RGS7: variants seen among roughly 807,000 people sequenced by gnomAD.
The protein encoded by RGS7 is regulator of G protein signaling 7.
RGS7 carries 27 observed loss-of-function variants against 81.1 expected under a neutral mutation model. The observed-to-expected ratio is 0.33, with a 90% CI of 0.25 to 0.46. RGS7 has a LOEUF of 0.46. Ranked by LOEUF, RGS7 falls within the 20% of genes least tolerant of loss-of-function variation. The pLI, the probability that RGS7 is intolerant of heterozygous loss-of-function variation, is 1.00. For missense variants in RGS7, 396 were observed against 607.4 expected, an observed-to-expected ratio of 0.65 and a Z score of 3.66; for synonymous variants, 208 against 207.7, an observed-to-expected ratio of 1.00 and a Z score of -0.01.
At chr1:241,277,477 G>A (rs1418339889) in intron 2 of RGS7, among the ~76,000 whole-genome samples, 1 of 152,034 alleles carries the variant, frequency 6.6e-6, no homozygotes, top group African/African-American at 2.4e-5. Flanking sequence ...AAATTAGCCG[G>A]GCGTAGTGAT....
At chr1:241,062,901 A>G (rs987303026) in intron 3 of RGS7, among the ~76,000 whole-genome samples, 4 of 152,280 alleles carry the variant, frequency 2.6e-5, no homozygotes, top group East Asian at 1.9e-4. Context: ...TTCCTTTCAC[A>G]AGTGTATTTG....
intron 6 of RGS7, among the ~76,000 whole-genome samples, chr1:240,890,925 G>A (rs1235537755): frequency 1.3e-5 from 2 of 152,028 alleles, no homozygotes; most frequent in South Asian, 2.1e-4. Context: ...GGCAAGAACC[G>A]CCATTCATTT....
chr1:241,319,550 G>T (rs1485972656), intron 2 of RGS7, among the ~76,000 whole-genome samples: 1 of 151,796 alleles, frequency 6.6e-6, no homozygotes. Flanking sequence ...TTAGAGTCAG[G>T]GTCTTACTTT....
intron 3 of RGS7, among the ~76,000 whole-genome samples, chr1:240,988,179 T>C (rs1030012725): frequency 6.6e-6 from 1 of 150,806 alleles, no homozygotes. Flanking sequence ...GGACATCTAC[T>C]CTATACAGAA....
At chr1:241,058,386 C>T (rs1331731424) in intron 3 of RGS7, among the ~76,000 whole-genome samples, 1 of 152,244 alleles carries the variant, frequency 6.6e-6, no homozygotes, top group East Asian at 1.9e-4. Flanking sequence ...CAGAAACATG[C>T]CAGCATAGAA....
At chr1:241,250,049 A>T (rs922222479) in intron 2 of RGS7, among the ~76,000 whole-genome samples, 1 of 152,180 alleles carries the variant, frequency 6.6e-6, no homozygotes, top group Non-Finnish European at 1.5e-5. Context: ...TATACAGAAG[A>T]ATTAGGAAAT....
intron 6 of RGS7, chr1:240,919,679 AC>A: frequency 1.8e-6 from 1 of 553,464 alleles, no homozygotes; most frequent in Non-Finnish European, 3.3e-6. Context: ...CTCCTAAAGA[AC>A]CGAACAGCTG....
At chr1:241,098,130 T>C (rs1042332255) in intron 3 of RGS7, among the ~76,000 whole-genome samples, 1 of 152,196 alleles carries the variant, frequency 6.6e-6, no homozygotes, top group African/African-American at 2.4e-5. Context: ...ATATTTCCCC[T>C]TTTATCAGAA....
chr1:241,256,926 T>TACACACACACACAC (rs10552436), intron 2 of RGS7, among the ~76,000 whole-genome samples: 1 of 146,166 alleles, frequency 6.8e-6, no homozygotes, highest in Non-Finnish European at 1.5e-5. Context: ...CCACTAGAAA[T>TACACACACACACAC]ACACACACAC....
chr1:241,145,103 G>A lies in RGS7; in HGVS notation c.79-46341C>T, dbSNP rs117835383. 3.3e-3 allele frequency among the ~76,000 whole-genome samples: 494 copies of A among 151,058 alleles called. 12 individuals are homozygous for A. In the East Asian group the frequency reaches 0.059, roughly 18 times the overall value. ...ACGATCTCGGCTCACTTCCACTTCCGCCTCCTCAGTTCAAGCGATTCTCCT... is the reference window on the plus strand; with the variant it reads ...ACGATCTCGGCTCACTTCCACTTCCACCTCCTCAGTTCAAGCGATTCTCCT... On this transcript the variant is annotated intron_variant, in intron 2 of 18. Transcript: ENST00000440928.
At position 241,007,543 on chromosome 1, in the gene RGS7, A is replaced by G. The variant is rs1395194400; in HGVS notation, c.176-24414T>C. Among the ~76,000 whole-genome samples, 4 of 152,316 alleles carry G rather than the reference A, an allele frequency of 2.6e-5. No homozygotes were observed. In the South Asian group the frequency reaches 6.2e-4, roughly 24 times the overall value. On this transcript the variant is annotated intron_variant, in intron 3 of 18. Coordinates refer to ENST00000440928, the MANE Select transcript of RGS7 (RefSeq NM_001364886.1). ...TACGTTGCTCAAGACTCAACGGTGT[A>G]AGGAATTTGATTTAGGTAGAAACAG...
intron 3 of RGS7, among the ~76,000 whole-genome samples, chr1:241,011,974 C>T (rs150664501): frequency 6.6e-6 from 1 of 152,160 alleles, no homozygotes; most frequent in African/African-American, 2.4e-5. Context: ...GCTGTTCTTT[C>T]TTAATAAACT....
rs76432133 is a variant in RGS7, at chr1:241,186,069, T to A, written c.79-87307A>T. ...AAACAAATGAATAAAACTGACAAAT[T>A]TCTAGCCAGATTGACCAAGATAAAC... On this transcript the variant is annotated intron_variant, in intron 2 of 18. Coordinates refer to ENST00000440928, the MANE Select transcript of RGS7 (RefSeq NM_001364886.1). Among the ~76,000 whole-genome samples the A allele has an allele frequency of 1.4e-3, 214 of 152,204 alleles. 1 individual carries two copies. The highest frequency in any genetic ancestry group is 5.0e-3 in the African/African-American group (209 of 41,528).
chr1:240,978,706 C>T (rs1369960501), intron 4 of RGS7, among the ~76,000 whole-genome samples: 6 of 151,946 alleles, frequency 3.9e-5, no homozygotes, highest in African/African-American at 7.3e-5. Context: ...GAAATGAGAA[C>T]GAATAAGCAG....
In RGS7 at chr1:241,056,641, G is replaced by A. The variant is rs941667418; in HGVS notation, c.175+42025C>T. On this transcript the variant is annotated intron_variant, in intron 3 of 18. Coordinates refer to ENST00000440928, the MANE Select transcript of RGS7 (RefSeq NM_001364886.1). ...TCTCTCCTGGGCTTCTCAGGGCCCC[G>A]TGTAGAAAAGTCAAGGCTGTAGAAT... Among the ~76,000 whole-genome samples, 11 of 152,252 alleles carry A rather than the reference G, an allele frequency of 7.2e-5. No homozygotes were observed. The South Asian group carries it at 1.4e-3, about 20-fold the overall frequency.
chr1:240,999,730 A>T (rs1202521285), intron 3 of RGS7, among the ~76,000 whole-genome samples: 3 of 151,342 alleles, frequency 2.0e-5, no homozygotes, highest in African/African-American at 7.3e-5. Context: ...CCTACCAAGT[A>T]GCTGGGACTA....
At chr1:241,234,190 T>C (rs1354101605) in intron 2 of RGS7, among the ~76,000 whole-genome samples, 1 of 152,198 alleles carries the variant, frequency 6.6e-6, no homozygotes, top group East Asian at 1.9e-4. Flanking sequence ...TTTTAAACTA[T>C]ACTAAATTTT....
chr1:241,295,910 C>T (rs1258419593), intron 2 of RGS7, among the ~76,000 whole-genome samples: 3 of 152,168 alleles, frequency 2.0e-5, no homozygotes, highest in Admixed American at 6.5e-5. Context: ...TGGGAGAAGA[C>T]AGGACTGAAG....
At chr1:240,816,441 T>C in intron 10 of RGS7, 26 bp from the exon 11 acceptor site, 1 of 1,443,454 alleles carries the variant, frequency 6.9e-7, no homozygotes, top group African/African-American at 1.4e-5. Context: ...AAATAAACAT[T>C]TTAGGACAAA....
Sources: gnomAD v4.1 joint callset for allele counts (sites outside exome capture counted in the v4.1 genomes callset) on GRCh38, gnomAD v4.1.1 for gene constraint, MANE v1.5 for transcripts, NCBI Gene and HGNC (gene_info 2026-07-23, HGNC 2026-07-21) for gene names.